The following KLRG1 variants were observed in gnomAD, a reference collection of about 807,000 sequenced individuals.
The protein encoded by KLRG1 is killer cell lectin like receptor G1, also known as killer cell lectin-like receptor subfamily G member 1.
In KLRG1, 16 loss-of-function variants were observed where a neutral mutation model predicts 21.8. The observed-to-expected ratio is 0.73, with a 90% CI of 0.50 to 1.11. The LOEUF (loss-of-function observed/expected upper bound fraction) is 1.11. Ranked by LOEUF, KLRG1 falls within the 50% of genes most tolerant of loss-of-function variation. KLRG1 has a pLI of 0.00. For synonymous variants in KLRG1, 69 were observed against 75.9 expected (o/e 0.91, Z 0.47); for missense variants, 173 against 218.3 (o/e 0.79, Z 1.31).
chr12:9,007,359 C>A (rs1188108952), intron 3 of KLRG1, among the ~76,000 whole-genome samples: 2 of 152,190 alleles, frequency 1.3e-5, no homozygotes, highest in Admixed American at 1.3e-4. Context: ...CTCCTGGGTT[C>A]AAGCGATTCT....
At chr12:8,975,031 G>A (rs1034723408) in intron 1 of KLRG1, among the ~76,000 whole-genome samples, 1 of 151,856 alleles carries the variant, frequency 6.6e-6, no homozygotes, top group Non-Finnish European at 1.5e-5. Flanking sequence ...GAGTAGCTGC[G>A]ATTACAGGCA....
chr12:8,958,265 A>G (rs1197009663), intron 1 of KLRG1, among the ~76,000 whole-genome samples: 1 of 151,950 alleles, frequency 6.6e-6, no homozygotes, highest in Non-Finnish European at 1.5e-5. Context: ...TTTTCCCCAT[A>G]TGGATATATA....
Position 8,950,276 on chromosome 12 carries a change from C to A in KLRG1, c.-156+40C>A, listed in dbSNP as rs1478265767. ...GGTGAATTATTATTGTTACTGTTAT[C>A]TCTGTCGTTCCTTACTGCTTCGTGG... On this transcript the variant is annotated intron_variant, in intron 1 of 4. Coordinates refer to the KLRG1 transcript ENST00000539240. The A allele has an allele frequency of 2.0e-5, 3 of 152,194 alleles. No homozygotes were observed. The East Asian group carries it at 5.8e-4, about 29-fold the overall frequency. The allele number at this position is 152,194 out of a possible 1,614,324, so 9.4% of individuals were successfully genotyped here.
chr12:8,969,543 A>G (rs1946534277), intron 1 of KLRG1, among the ~76,000 whole-genome samples: 1 of 152,116 alleles, frequency 6.6e-6, no homozygotes, highest in South Asian at 2.1e-4. Flanking sequence ...TTAAAAAAAA[A>G]AGTCTCAAAT....
exon 1 of KLRG1, chr12:8,950,149 C>G (rs538393017): frequency 6.6e-6 from 1 of 152,264 alleles, no homozygotes; most frequent in Non-Finnish European, 1.5e-5. Context: ...CCACTGTTGA[C>G]CCCTAGACGA....
At chr12:9,163,325 C>T in the KLRG1 span, among the ~76,000 whole-genome samples, 69 of 150,972 alleles carry the variant, frequency 4.6e-4, no homozygotes, top group Non-Finnish European at 8.6e-4. Context: ...ATTAGCCAGG[C>T]GCCTGTAGTC....
chr12:9,111,913 G>T, the KLRG1 span: 1 of 613,542 alleles, frequency 1.6e-6, no homozygotes, highest in Non-Finnish European at 3.1e-6. Context: ...TCCTAATTAA[G>T]AACCATCCGA....
chr12:9,208,802 T>A, the KLRG1 span, among the ~76,000 whole-genome samples: 1 of 152,188 alleles, frequency 6.6e-6, no homozygotes, highest in African/African-American at 2.4e-5. Context: ...GGGTTTTCTT[T>A]TTTAGCAGTT....
the KLRG1 span, among the ~76,000 whole-genome samples, chr12:9,150,989 G>A: frequency 1.3e-5 from 2 of 152,160 alleles, no homozygotes; most frequent in Non-Finnish European, 2.9e-5. Context: ...CCCTTGTTAT[G>A]AGATTAACTC....
chr12:9,043,645 AC>A, the KLRG1 span, among the ~76,000 whole-genome samples: 1 of 152,198 alleles, frequency 6.6e-6, no homozygotes, highest in Non-Finnish European at 1.5e-5. Flanking sequence ...ATCTCCAACC[AC>A]ATGCTCTTTT....
chr12:9,085,711 A>G, the KLRG1 span, among the ~76,000 whole-genome samples: 1 of 152,064 alleles, frequency 6.6e-6, no homozygotes, highest in African/African-American at 2.4e-5. Flanking sequence ...AGATCAATGA[A>G]ACTGAATTGT....
At chr12:9,028,477 TC>T in the KLRG1 span, among the ~76,000 whole-genome samples, 4 of 140,206 alleles carry the variant, frequency 2.9e-5, no homozygotes, top group Non-Finnish European at 4.6e-5. Context: ...TTAGTCTCAC[TC>T]TGTCACCCAG....
At chr12:9,161,302 G>A in the KLRG1 span, among the ~76,000 whole-genome samples, 1 of 152,200 alleles carries the variant, frequency 6.6e-6, no homozygotes, top group Non-Finnish European at 1.5e-5. Flanking sequence ...AACAGTATCT[G>A]CAACATATTC....
the KLRG1 span, among the ~76,000 whole-genome samples, chr12:9,063,521 T>C: frequency 3.9e-5 from 6 of 152,214 alleles, no homozygotes; most frequent in Non-Finnish European, 1.5e-5. Flanking sequence ...CAAAATCAGA[T>C]GTAGAAGATA....
chr12:9,166,307 G>C, the KLRG1 span: 2 of 1,039,644 alleles, frequency 1.9e-6, no homozygotes, highest in African/African-American at 3.3e-5. Flanking sequence ...TGCTCAGACT[G>C]TCCTAAAAGT....
At chr12:9,153,132 T>TAC in the KLRG1 span, 1 of 1,614,034 alleles carries the variant, frequency 6.2e-7, no homozygotes, top group Non-Finnish European at 8.5e-7. Flanking sequence ...TACCTGAAGA[T>TAC]ACACACATCT....
At chr12:9,068,268 A>G in the KLRG1 span, 1 of 1,588,458 alleles carries the variant, frequency 6.3e-7, no homozygotes, top group Non-Finnish European at 8.5e-7. Flanking sequence ...TCATTACATG[A>G]AGTGAGAAAG....
At chr12:9,024,494 T>C in the KLRG1 span, among the ~76,000 whole-genome samples, 2 of 152,344 alleles carry the variant, frequency 1.3e-5, no homozygotes, top group Admixed American at 1.3e-4. Flanking sequence ...CTGTTCTTGG[T>C]CCTGAGGGTT....
intron 3 of KLRG1, among the ~76,000 whole-genome samples, chr12:8,995,938 T>C (rs1258786846): frequency 6.6e-6 from 1 of 152,082 alleles, no homozygotes; most frequent in African/African-American, 2.4e-5. Flanking sequence ...CGCCTCGGCC[T>C]CCCAAAGTGC....
Sources: allele counts gnomAD v4.1 joint callset (sites outside exome capture counted in the v4.1 genomes callset), GRCh38; gene constraint gnomAD v4.1.1; transcripts MANE v1.5; gene names NCBI Gene and HGNC (gene_info 2026-07-23, HGNC 2026-07-21).